Variants in BTBD2 observed in about 807,000 individuals in gnomAD.
The protein encoded by BTBD2 is BTB domain containing 2, also known as BTB/POZ domain-containing protein 2.
BTBD2 carries 15 observed loss-of-function variants against 44.0 expected under a neutral mutation model. The observed-to-expected ratio is 0.34, with a 90% CI of 0.23 to 0.53. The LOEUF is 0.53. BTBD2 is among the 20% of genes least tolerant of loss of function. BTBD2 has a pLI of 0.95. For synonymous variants in BTBD2, 443 were observed against 335.9 expected (o/e 1.32, Z -3.49); for missense variants, 657 against 746.4 (o/e 0.88, Z 1.39).
chr19:2,008,302 T>TC (rs2016420061), intron 1 of BTBD2, among the ~76,000 whole-genome samples: 1 of 91,702 alleles, frequency 1.1e-5, no homozygotes, highest in Non-Finnish European at 2.0e-5. Context: ...CTGCGCCCAC[T>TC]CTTTTTTTTT....
At chr19:1,991,714 C>T (rs1181711558) in intron 3 of BTBD2, among the ~76,000 whole-genome samples, 2 of 152,186 alleles carry the variant, frequency 1.3e-5, no homozygotes, top group African/African-American at 4.8e-5. Context: ...TGGCCACCCT[C>T]CACCCCCGAC....
At position 1,987,598 on chromosome 19, in the gene BTBD2, G is replaced by A. The variant is rs2145616576; in HGVS notation, c.1083C>T (p.Asp361=). 2 of 1,612,830 alleles carry A rather than the reference G, an allele frequency of 1.2e-6. No individual in the cohort carries two copies. The highest frequency in any genetic ancestry group is 3.3e-5 in the Admixed American group (2 of 59,948). The change falls in exon 6 of 9, where the codon GAC becomes GAT. Residue 361 remains aspartate, a synonymous_variant. Transcript: ENST00000255608. ...TCCCACGCAGGCAGCAGCGGGGCCG[G>A]TCAATGAACTCCACTCGTGGCTTGG... ...VNPKPRVEFI[D]RPRCCLRGKE...
At position 1,990,052 on chromosome 19, in the gene BTBD2, G is replaced by C; in HGVS notation, c.940C>G (p.Leu314Val). Residue 314 changes from leucine (L) to valine (V), a missense_variant, in exon 5 of 9, where the codon CTG becomes GTG. Coordinates refer to ENST00000255608, the MANE Select transcript of BTBD2 (RefSeq NM_017797.4). The part of the protein sequence containing the change: ...ENRRKVLGKA[L>V]GLIRFPLMTI... ...ATGAGCGGGAAGCGAATGAGGCCCA[G>C]GGCCTTGCCCAGAACCTTCCGCCTG... is the stretch of plus-strand genomic sequence containing the variant. The C allele has an allele frequency of 6.2e-7, 1 of 1,613,372 alleles. No individual in the cohort carries two copies. Among genetic ancestry groups the C allele is most frequent in the South Asian group, 1.1e-5 (1 of 91,088 alleles).
chr19:2,000,910 A>G (rs2145638546), intron 1 of BTBD2, among the ~76,000 whole-genome samples: 1 of 152,276 alleles, frequency 6.6e-6, no homozygotes, highest in Non-Finnish European at 1.5e-5. Flanking sequence ...GTCGTGCTCT[A>G]TGACAGACGC....
At chr19:1,994,556 C>G (rs1012972169) in intron 2 of BTBD2, among the ~76,000 whole-genome samples, 1 of 151,780 alleles carries the variant, frequency 6.6e-6, no homozygotes, top group Admixed American at 6.6e-5. Context: ...ATCAGGAGAT[C>G]GAGACCATCC....
At chr19:1,998,392 G>T (rs921477877) in intron 1 of BTBD2, among the ~76,000 whole-genome samples, 1 of 152,228 alleles carries the variant, frequency 6.6e-6, no homozygotes. Context: ...CACGTCCATG[G>T]GGAAGGGCAT....
chr19:1,999,486 T>C (rs758804592), intron 1 of BTBD2, among the ~76,000 whole-genome samples: 3 of 152,026 alleles, frequency 2.0e-5, no homozygotes, highest in Non-Finnish European at 4.4e-5. Flanking sequence ...GGCAACATAG[T>C]GAGACCCCAT....
chr19:1,999,692 G>A (rs1043399201), intron 1 of BTBD2, among the ~76,000 whole-genome samples: 67 of 151,836 alleles, frequency 4.4e-4, no homozygotes, highest in African/African-American at 1.6e-3. Flanking sequence ...CAGGTGCAGT[G>A]GCTCACGCCT....
rs551591072 is a variant in BTBD2 at position 1,997,886 on chromosome 19, GTTCA to G, written c.408-427_408-424del. ...TTCACATGCATTCATTCACACAGGC[GTTCA>G]TTCACTCATTCATTCACATATTCAT... is the stretch of plus-strand genomic sequence containing the variant. On this transcript the variant is annotated intron_variant, in intron 1 of 8. Transcript: ENST00000255608. Among the ~76,000 whole-genome samples the G allele has an allele frequency of 4.7e-4, 72 of 152,234 alleles. 1 individual carries two copies. The highest frequency in any genetic ancestry group is 3.4e-3 in the Admixed American group (52 of 15,298).
chr19:1,991,131 C>T, intron 3 of BTBD2: 2 of 287,518 alleles, frequency 7.0e-6, no homozygotes, highest in South Asian at 3.6e-5. Flanking sequence ...GGCGTTGCAG[C>T]TGCACTCGGG....
intron 1 of BTBD2, among the ~76,000 whole-genome samples, chr19:2,011,496 T>C (rs1839520918): frequency 1.3e-5 from 2 of 152,040 alleles, no homozygotes; most frequent in South Asian, 4.1e-4. Flanking sequence ...GCTCTGGGCC[T>C]TCCATCCCTG....
In BTBD2 at chr19:1,987,493, G is replaced by T; in HGVS notation, c.1181+7C>A. 1 of 1,486,206 alleles carries T rather than the reference G, an allele frequency of 6.7e-7. No individual in the cohort carries two copies. Among genetic ancestry groups the T allele is most frequent in the South Asian group, 1.2e-5 (1 of 83,344 alleles). The allele number at this position is 1,486,206 out of a possible 1,614,324, so 92.1% of individuals were successfully genotyped here. ...CCGGACCCCCCCGCCTGCACCCCAA[G>T]CCCCACCTGATGCGGTCACTGGTCC... On this transcript the variant is annotated splice_region_variant and intron_variant, in intron 6 of 8. Transcript: ENST00000255608.
At chr19:1,996,906 G>A (rs891062935) in intron 2 of BTBD2, among the ~76,000 whole-genome samples, 1 of 151,504 alleles carries the variant, frequency 6.6e-6, no homozygotes, top group African/African-American at 2.4e-5. Context: ...CTCTGGGCTG[G>A]GCGCGGTGGC....
In BTBD2 at chr19:1,986,272, G is replaced by T; in HGVS notation, c.*216C>A. ...TTGTCTCCACAGGGCCTGGCCACTG[G>T]CCTGGCCACCTCCCCGGCTGCCCTG... On this transcript the variant is annotated 3_prime_UTR_variant, in exon 9 of 9. Coordinates refer to ENST00000255608, the MANE Select transcript of BTBD2 (RefSeq NM_017797.4). 1 of 597,734 alleles carries T rather than the reference G, an allele frequency of 1.7e-6. No homozygotes were observed. The highest frequency in any genetic ancestry group is 2.9e-6 in the Non-Finnish European group (1 of 343,194). The allele number at this position is 597,734 out of a possible 1,614,324, so 37.0% of individuals were successfully genotyped here.
At chr19:2,013,980 T>C (rs976805219) in intron 1 of BTBD2, 2 of 135,962 alleles carry the variant, frequency 1.5e-5, no homozygotes, top group African/African-American at 5.7e-5. Flanking sequence ...TCAGGAGTCA[T>C]AGGTTGGGGG....
chr19:2,008,537 C>T (rs925716882), intron 1 of BTBD2, among the ~76,000 whole-genome samples: 4 of 151,154 alleles, frequency 2.6e-5, no homozygotes, highest in Non-Finnish European at 5.9e-5. Flanking sequence ...GTGATCTGCC[C>T]GCCTTGGCCT....
intron 1 of BTBD2, among the ~76,000 whole-genome samples, chr19:2,009,294 G>T (rs1237347457): frequency 1.3e-5 from 2 of 151,936 alleles, no homozygotes; most frequent in African/African-American, 4.8e-5. Context: ...CGCCTCCCGG[G>T]TTCAAGCAAT....
rs146791419 is a variant in BTBD2 at position 1,987,680 on chromosome 19, G to A, written c.1001C>T (p.Ser334Leu). The change falls in exon 6 of 9, where the codon TCG (serine) becomes TTG (leucine). Residue 334 changes from serine (S) to leucine (L), a missense_variant. By Grantham distance (145) the Ser-to-Leu change is moderately radical. Transcript: ENST00000255608. Reference sequence around the variant, plus strand: ...CACCTCGCGGTCCACCAGGATGCCCGACTGTGCGGGACCTGCAGCACAGGG... The same window carrying A: ...CACCTCGCGGTCCACCAGGATGCCCAACTGTGCGGGACCTGCAGCACAGGG... ...IEEFAAGPAQ[S>L]GILVDREVVS... 1.9e-4 allele frequency: 297 copies of A among 1,600,092 alleles called. No homozygotes were observed. The highest frequency in any genetic ancestry group is 3.4e-4 in the Admixed American group (20 of 59,204).
chr19:2,002,237 T>C (rs1371491235), intron 1 of BTBD2, among the ~76,000 whole-genome samples: 1 of 152,116 alleles, frequency 6.6e-6, no homozygotes, highest in Non-Finnish European at 1.5e-5. Flanking sequence ...CAAGCCACAA[T>C]GCCCAGCTAA....
Sources: allele counts gnomAD v4.1 joint callset (sites outside exome capture counted in the v4.1 genomes callset), GRCh38; gene constraint gnomAD v4.1.1; transcripts MANE v1.5; gene names NCBI Gene and HGNC (gene_info 2026-07-23, HGNC 2026-07-21).